Variants in C6 observed in about 807,000 individuals in gnomAD.
C6 encodes complement component C6.
In C6, 101 loss-of-function variants were observed where a neutral mutation model predicts 112.9. That is an observed-to-expected ratio of 0.89 (90% confidence interval 0.76 to 1.06). The LOEUF is 1.06. Ranked by LOEUF, C6 falls within the 50% of genes least tolerant of loss-of-function variation. The pLI is 0.00. For synonymous variants in C6, 431 were observed against 384.1 expected, an observed-to-expected ratio of 1.12 and a Z score of -1.43; for missense variants, 1,202 against 1,104.6, an observed-to-expected ratio of 1.09 and a Z score of -1.25.
intron 1 of C6, among the ~76,000 whole-genome samples, chr5:41,210,963 A>T (rs1462797684): frequency 6.6e-6 from 1 of 152,230 alleles, no homozygotes; most frequent in Non-Finnish European, 1.5e-5. Context: ...CACTATTCAC[A>T]ATAGCAAAAA....
At position 41,166,624 on chromosome 5, in the gene C6, T is replaced by C. The variant is rs187438857; in HGVS notation, c.1292-4765A>G. Among the ~76,000 whole-genome samples, 9 of 152,238 alleles carry C rather than the reference T, an allele frequency of 5.9e-5. No homozygotes were observed. In the East Asian group the frequency reaches 1.7e-3, roughly 29 times the overall value. ...TGAGGACATAAAGACCATGTCACTG[T>C]CCTGAATTTGCATACTGTGGAGGAA... On this transcript the variant is annotated intron_variant, in intron 9 of 17. Transcript: ENST00000337836.
chr5:41,167,780 A>T (rs997030629), intron 9 of C6, among the ~76,000 whole-genome samples: 2 of 152,156 alleles, frequency 1.3e-5, no homozygotes, highest in African/African-American at 4.8e-5. Flanking sequence ...AAGACCAAAC[A>T]TCAAATTTAT....
At chr5:41,247,340 G>A (rs1741082042) in intron 1 of C6, among the ~76,000 whole-genome samples, 1 of 151,410 alleles carries the variant, frequency 6.6e-6, no homozygotes, top group Non-Finnish European at 1.5e-5. Flanking sequence ...AAAATTTTAG[G>A]GTACAAAACT....
intron 17 of C6, among the ~76,000 whole-genome samples, chr5:41,146,603 TTA>T (rs1745850506): frequency 6.6e-6 from 1 of 152,142 alleles, no homozygotes; most frequent in Non-Finnish European, 1.5e-5. Context: ...GATCATATCT[TTA>T]GAGGAAAAAA....
intron 1 of C6, among the ~76,000 whole-genome samples, chr5:41,240,468 A>G (rs1206529378): frequency 5.3e-5 from 8 of 152,142 alleles, no homozygotes; most frequent in Non-Finnish European, 1.2e-4. Context: ...CCATGGCAGT[A>G]GGGTGGCGGG....
chr5:41,146,214 A>G (rs769361055), intron 17 of C6, among the ~76,000 whole-genome samples: 5 of 152,228 alleles, frequency 3.3e-5, no homozygotes, highest in Non-Finnish European at 7.3e-5. Flanking sequence ...TGAAATTCAG[A>G]TAAAATACTT....
chr5:41,172,790 C>A, intron 8 of C6: 1 of 184,890 alleles, frequency 5.4e-6, no homozygotes, highest in Non-Finnish European at 1.2e-5. Context: ...ACCTACTTTC[C>A]GGGCCACTGC....
At chr5:41,219,627 G>C (rs1343999728) in intron 1 of C6, among the ~76,000 whole-genome samples, 2 of 152,122 alleles carry the variant, frequency 1.3e-5, no homozygotes, top group African/African-American at 2.4e-5. Flanking sequence ...ATGAAGAAAA[G>C]AAGGAAGAAA....
chr5:41,199,073 G>A (rs895604443), intron 4 of C6, among the ~76,000 whole-genome samples: 1 of 152,132 alleles, frequency 6.6e-6, no homozygotes, highest in Non-Finnish European at 1.5e-5. Context: ...GAAAAAGCTG[G>A]CAAAGCTGAG....
chr5:41,152,182 A>C (rs1303547693), intron 15 of C6, among the ~76,000 whole-genome samples: 2 of 152,162 alleles, frequency 1.3e-5, no homozygotes, highest in Non-Finnish European at 2.9e-5. Context: ...GAGACCACAT[A>C]CCATAAAGAC....
At position 41,172,322 on chromosome 5, in the gene C6, G is replaced by C; in HGVS notation, c.1194C>G (p.His398Gln). The C allele has an allele frequency of 6.2e-7, 1 of 1,613,506 alleles. No homozygotes were observed. The highest frequency in any genetic ancestry group is 8.5e-7 in the Non-Finnish European group (1 of 1,179,624). Reference sequence around the variant, plus strand: ...GTTTCTTTGTTTCAATCCTGACACAGTGTTTGGCTTCTTCCTCGGTTAAAC... The same window carrying C: ...GTTTCTTTGTTTCAATCCTGACACACTGTTTGGCTTCTTCCTCGGTTAAAC... The part of the protein sequence containing the change: ...NSGLTEEEAK[H>Q]CVRIETKKRV... The change falls in exon 9 of 18, where the codon CAC becomes CAG. Residue 398 changes from histidine (H) to glutamine (Q), a missense_variant. Coordinates refer to ENST00000337836, the MANE Select transcript of C6 (RefSeq NM_000065.5).
chr5:41,143,989 A>G (rs1745586561), intron 17 of C6, among the ~76,000 whole-genome samples: 1 of 152,206 alleles, frequency 6.6e-6, no homozygotes, highest in Non-Finnish European at 1.5e-5. Flanking sequence ...TTCTACATGT[A>G]TGTTTTAGTC....
At chr5:41,217,419 A>G (rs559950415), upstream of C6, among the ~76,000 whole-genome samples, 21 of 152,234 alleles carry the variant, frequency 1.4e-4, no homozygotes, top group African/African-American at 4.3e-4. Flanking sequence ...GATTGAATTG[A>G]GTTGTCTACA....
intron 9 of C6, among the ~76,000 whole-genome samples, chr5:41,171,528 G>A (rs1748422681): frequency 6.6e-6 from 1 of 152,160 alleles, no homozygotes; most frequent in African/African-American, 2.4e-5. Context: ...GATGTTTAGT[G>A]GACAGTAGAT....
chr5:41,214,139 A>G (rs993375009), upstream of C6, among the ~76,000 whole-genome samples: 2 of 152,282 alleles, frequency 1.3e-5, no homozygotes, highest in South Asian at 4.1e-4. Flanking sequence ...AAAGAAAAAA[A>G]ACTATAGGGA....
rs143502181 is a variant in C6 at position 41,238,445 on chromosome 5, T to C, written c.-21+22749A>G. Among the ~76,000 whole-genome samples, 206 of 152,310 alleles carry C rather than the reference T, an allele frequency of 1.4e-3. 1 individual carries two copies. The highest frequency in any genetic ancestry group is 4.8e-3 in the African/African-American group (198 of 41,574). On this transcript the variant is annotated intron_variant, in intron 1 of 17. Coordinates refer to the C6 transcript ENST00000263413. ...TGCCACATATCTCATTCTTTATTAA[T>C]AAATAATAAATGGCATTATTGCCTT... is the stretch of plus-strand genomic sequence containing the variant.
chr5:41,160,018 T>G, intron 11 of C6, 124 bp downstream of exon 11: 1 of 783,118 alleles, frequency 1.3e-6, no homozygotes, highest in South Asian at 1.5e-5. Flanking sequence ...AGGTTTATCT[T>G]CCCTCTGAGC....
intron 17 of C6, among the ~76,000 whole-genome samples, chr5:41,146,960 G>A (rs1335858392): frequency 6.6e-6 from 1 of 151,882 alleles, no homozygotes; most frequent in African/African-American, 2.4e-5. Flanking sequence ...GTTCTCTGAA[G>A]ACTGCTTCTC....
At chr5:41,159,285 C>A (rs1747244348) in intron 11 of C6, 32 bp from the exon 12 acceptor site, 1 of 1,607,440 alleles carries the variant, frequency 6.2e-7, no homozygotes. Context: ...TCCCATGGAT[C>A]ATGGTGCAGC....
Sources: gnomAD v4.1 joint callset for allele counts (sites outside exome capture counted in the v4.1 genomes callset) on GRCh38, gnomAD v4.1.1 for gene constraint, MANE v1.5 for transcripts, NCBI Gene and HGNC (gene_info 2026-07-23, HGNC 2026-07-21) for gene names.